BCO2: variants seen among roughly 807,000 people sequenced by gnomAD.
The protein encoded by BCO2 is carotenoid-cleaving dioxygenase, mitochondrial.
A neutral mutation model predicts 65.8 loss-of-function variants in BCO2; 56 were observed. The ratio of observed to expected loss-of-function variants is 0.85; its 90% CI spans 0.69 to 1.06. BCO2 has a LOEUF of 1.06. Among genes scored for constraint, BCO2 ranks in the 50% least tolerant of loss-of-function variants. The pLI is 0.00. For missense variants in BCO2, 675 were observed against 698.5 expected (o/e 0.97, Z 0.38); for synonymous variants, 233 against 242.3 (o/e 0.96, Z 0.36).
chr11:112,183,837 GGAAA>G (rs760526053), intron 2 of BCO2, among the ~76,000 whole-genome samples: 4 of 152,136 alleles, frequency 2.6e-5, no homozygotes, highest in Admixed American at 6.5e-5. Flanking sequence ...GAAACAGAGT[GGAAA>G]GAAAGACATT....
chr11:112,193,357 G>T, intron 2 of BCO2, 117 bp from the exon 3 acceptor site: 1 of 957,792 alleles, frequency 1.0e-6, no homozygotes, highest in Non-Finnish European at 1.6e-6. Flanking sequence ...ATCAGGTTGT[G>T]CTGGGAACCT....
rs1431460734 is a variant in BCO2 at position 112,202,038 on chromosome 11, T to C, written c.1042T>C (p.Tyr348His). The C allele has an allele frequency of 1.9e-6, 3 of 1,598,820 alleles. No individual in the cohort carries two copies. In the African/African-American group the frequency reaches 4.1e-5, roughly 22 times the overall value. Reference protein sequence around the residue: ...KRTGQLLPGRYYSKPFVTFHQ... With the variant: ...KRTGQLLPGRHYSKPFVTFHQ... ...TCCCCTGCAGCTCCTTCCAGGGAGA[T>C]ACTACAGCAAACCTTTTGTTACATT... is the stretch of plus-strand genomic sequence containing the variant. Residue 348 changes from tyrosine to histidine, a missense_variant, in exon 8 of 12, where the codon TAC (tyrosine) becomes CAC (histidine). Physicochemically the swap from Tyr to His is moderately conservative, Grantham distance 83 (BLOSUM62 2). Transcript: ENST00000357685.
At chr11:112,201,909 G>A in intron 7 of BCO2, 114 bp from the exon 8 acceptor site, 2 of 881,426 alleles carry the variant, frequency 2.3e-6, no homozygotes, top group South Asian at 2.0e-5. Flanking sequence ...ACTTCAGAGG[G>A]GAAAATCTTT....
intron 4 of BCO2, chr11:112,194,253 A>T: frequency 2.2e-6 from 1 of 445,564 alleles, no homozygotes; most frequent in Non-Finnish European, 4.0e-6. Flanking sequence ...GTACTGATCT[A>T]CTTTGGCTAG....
At chr11:112,200,239 TC>T (rs1431540721) in intron 6 of BCO2, 2 of 184,732 alleles carry the variant, frequency 1.1e-5, no homozygotes, top group Non-Finnish European at 2.2e-5. Flanking sequence ...CCAAACTGCT[TC>T]TAGATTCTTA....
At chr11:112,212,111 T>C (rs1256413929) in intron 8 of BCO2, among the ~76,000 whole-genome samples, 2 of 152,218 alleles carry the variant, frequency 1.3e-5, no homozygotes, top group Non-Finnish European at 2.9e-5. Flanking sequence ...ACTAAAAATA[T>C]TTCTGCATGC....
At chr11:112,206,121 C>T (rs1259313498) in intron 8 of BCO2, among the ~76,000 whole-genome samples, 1 of 147,320 alleles carries the variant, frequency 6.8e-6, no homozygotes, top group Non-Finnish European at 1.5e-5. Context: ...CCTAGACGGG[C>T]GGCAGCTGGG....
chr11:112,211,095 A>G (rs1051588839), intron 8 of BCO2, among the ~76,000 whole-genome samples: 17 of 152,094 alleles, frequency 1.1e-4, no homozygotes, highest in African/African-American at 4.1e-4. Context: ...CCCATTAAAC[A>G]ATAATTCCCT....
At position 112,193,935 on chromosome 11, in the gene BCO2, T is replaced by C. The variant is rs1389670993; in HGVS notation, c.574T>C (p.Cys192Arg). 1 of 1,613,462 alleles carries C rather than the reference T, an allele frequency of 6.2e-7. No individual in the cohort carries two copies. Reference sequence around the variant, plus strand: ...GCGGTACAAGGGTGATTACTACCTCTGCACTGAGACCAACTTTATGAATAA... The same window carrying C: ...GCGGTACAAGGGTGATTACTACCTCCGCACTGAGACCAACTTTATGAATAA... ...YVRYKGDYYLCTETNFMNKVD... is the reference protein window; with the variant it reads ...YVRYKGDYYLRTETNFMNKVD... Residue 192 changes from cysteine (C) to arginine (R), a missense_variant, in exon 4 of 12, where the codon TGC becomes CGC. Coordinates refer to ENST00000357685, the MANE Select transcript of BCO2 (RefSeq NM_031938.7).
At chr11:112,193,052 A>C (rs1249346715) in intron 2 of BCO2, among the ~76,000 whole-genome samples, 1 of 143,104 alleles carries the variant, frequency 7.0e-6, no homozygotes, top group Non-Finnish European at 1.5e-5. Flanking sequence ...ATCTCGGCTC[A>C]CTGCAATCTC....
intron 2 of BCO2, chr11:112,182,815 C>T: frequency 1.5e-6 from 1 of 654,606 alleles, no homozygotes; most frequent in Non-Finnish European, 2.6e-6. Flanking sequence ...AACAAACCGG[C>T]ACGTGGTGCA....
At chr11:112,179,784 G>A (rs1344301297) in intron 2 of BCO2, 3 of 381,200 alleles carry the variant, frequency 7.9e-6, no homozygotes, top group Non-Finnish European at 1.5e-5. Context: ...TGAAGGAAGG[G>A]CAATGTCTCC....
At position 112,218,892 on chromosome 11, in the gene BCO2, C is replaced by G. The variant is rs1294326052; in HGVS notation, c.*1018C>G. The G allele has an allele frequency of 6.6e-6, 1 of 152,064 alleles. No homozygotes were observed. The highest frequency in any genetic ancestry group is 2.4e-5 in the African/African-American group (1 of 41,390). The allele number at this position is 152,064 out of a possible 1,614,324, so 9.4% of individuals were successfully genotyped here. ...TTTAAATTTCATTTATTGGATATAT[C>G]TTCCTCTAGGTAATAATAAGAATAC... is the stretch of plus-strand genomic sequence containing the variant. On this transcript the variant is annotated 3_prime_UTR_variant, in exon 12 of 12. Transcript: ENST00000357685.
rs1239456348 is a variant in BCO2 at position 112,194,643 on chromosome 11, A to C, written c.634-10A>C. 1 of 1,578,328 alleles carries C rather than the reference A, an allele frequency of 6.3e-7. No individual in the cohort carries two copies. The highest frequency in any genetic ancestry group is 8.7e-7 in the Non-Finnish European group (1 of 1,148,380). ...CCCATTAAAAATCTCCAGTGGTCTC[A>C]AATTTGCAGGTAGATTGGAGCAAAT... On this transcript the variant is annotated splice_polypyrimidine_tract_variant and intron_variant, in intron 4 of 11. Transcript: ENST00000357685.
At chr11:112,181,498 C>T (rs573672419) in intron 2 of BCO2, 12 of 718,584 alleles carry the variant, frequency 1.7e-5, no homozygotes, top group Admixed American at 3.7e-5. Context: ...CTTAATTGAC[C>T]GAAGTCCTGA....
At chr11:112,192,704 G>T (rs1159148739) in intron 2 of BCO2, among the ~76,000 whole-genome samples, 4 of 145,978 alleles carry the variant, frequency 2.7e-5, no homozygotes, top group Non-Finnish European at 6.0e-5. Context: ...TAATGAGACG[G>T]GGTTTTGCCA....
intron 2 of BCO2, among the ~76,000 whole-genome samples, chr11:112,183,359 C>CT (rs1299532404): frequency 6.6e-6 from 1 of 152,070 alleles, no homozygotes; most frequent in African/African-American, 2.4e-5. Flanking sequence ...AAAAAACTGA[C>CT]TTTTTTCCAT....
intron 2 of BCO2, among the ~76,000 whole-genome samples, chr11:112,182,144 C>T (rs1326990740): frequency 6.6e-6 from 1 of 152,142 alleles, no homozygotes; most frequent in Non-Finnish European, 1.5e-5. Flanking sequence ...ATCAAAACCA[C>T]AATGAGATAC....
intron 8 of BCO2, among the ~76,000 whole-genome samples, chr11:112,205,706 G>A (rs935657491): frequency 6.6e-6 from 1 of 152,120 alleles, no homozygotes; most frequent in South Asian, 2.1e-4. Flanking sequence ...TGATCCTCCT[G>A]CCTCAGCCTC....
Sources: allele counts gnomAD v4.1 joint callset (sites outside exome capture counted in the v4.1 genomes callset), GRCh38; gene constraint gnomAD v4.1.1; transcripts MANE v1.5; gene names NCBI Gene and HGNC (gene_info 2026-07-23, HGNC 2026-07-21).